SLC22A25: variants seen among roughly 807,000 people sequenced by gnomAD.
SLC22A25 encodes MGI:2442751, MGI:2385316, MGI:3042283, MGI:3645714, MGI:3605624, MGI:2442750.
SLC22A25 carries 44 observed loss-of-function variants against 45.9 expected under a neutral mutation model. The observed-to-expected ratio is 0.96, with a 90% CI of 0.75 to 1.23. The LOEUF is 1.23. SLC22A25 is among the 50% of genes most tolerant of loss of function. The pLI is 0.00. For missense variants in SLC22A25, 800 were observed against 666.4 expected (o/e 1.20, Z -2.21); for synonymous variants, 283 against 238.6 (o/e 1.19, Z -1.72).
chr11:63,172,532 A>G (rs1026248650), intron 9 of SLC22A25, among the ~76,000 whole-genome samples: 2 of 152,224 alleles, frequency 1.3e-5, no homozygotes, highest in Admixed American at 1.3e-4. Flanking sequence ...AAACATATGA[A>G]AAAAAGCTCA....
intron 7 of SLC22A25, among the ~76,000 whole-genome samples, chr11:63,184,883 T>C (rs968977536): frequency 2.6e-5 from 4 of 152,156 alleles, no homozygotes; most frequent in Admixed American, 6.6e-5. Flanking sequence ...TCCTGTCTTA[T>C]GGGTTATTGG....
intron 5 of SLC22A25, among the ~76,000 whole-genome samples, chr11:63,223,687 C>T (rs1412675625): frequency 6.6e-6 from 1 of 151,716 alleles, no homozygotes; most frequent in Non-Finnish European, 1.5e-5. Context: ...TTTTCTAGTT[C>T]TTTAAGATGC....
chr11:63,234,002 A>G (rs970037350), intron 3 of SLC22A25, among the ~76,000 whole-genome samples: 4 of 152,338 alleles, frequency 2.6e-5, no homozygotes, highest in South Asian at 2.1e-4. Flanking sequence ...CCTGAGAGAC[A>G]GTTTGTTATA....
chr11:63,173,632 C>T (rs1328722401), intron 9 of SLC22A25, among the ~76,000 whole-genome samples: 2 of 152,138 alleles, frequency 1.3e-5, no homozygotes, highest in African/African-American at 4.8e-5. Flanking sequence ...GTGACTTTCC[C>T]AGTGCTTCTT....
chr11:63,217,249 C>A, intron 7 of SLC22A25, 65 bp downstream of exon 7: 1 of 1,538,584 alleles, frequency 6.5e-7, no homozygotes, highest in Non-Finnish European at 8.8e-7. Context: ...GAATTCATGT[C>A]CTCATTCCAT....
chr11:63,172,471 G>T (rs866720597), intron 9 of SLC22A25, among the ~76,000 whole-genome samples: 3 of 152,038 alleles, frequency 2.0e-5, no homozygotes, highest in East Asian at 1.9e-4. Context: ...CAAAAAGTGG[G>T]CAAATGATGT....
At chr11:63,237,009 C>A (rs751403222) in intron 3 of SLC22A25, among the ~76,000 whole-genome samples, 2 of 152,290 alleles carry the variant, frequency 1.3e-5, no homozygotes, top group Admixed American at 6.5e-5. Flanking sequence ...TCATAGGTAA[C>A]TTCTATGGTT....
chr11:63,201,895 C>T (rs1055726463), intron 7 of SLC22A25, among the ~76,000 whole-genome samples: 7 of 152,118 alleles, frequency 4.6e-5, no homozygotes, highest in South Asian at 4.1e-4. Flanking sequence ...CAGCCCCCAG[C>T]GAGATCAATG....
At position 63,229,291 on chromosome 11, in the gene SLC22A25, A is replaced by C. The variant is rs1258810647; in HGVS notation, c.362T>G (p.Val121Gly). 3 of 1,583,816 alleles carry C rather than the reference A, an allele frequency of 1.9e-6. No homozygotes were observed. The part of the protein sequence containing the change: ...PDTEPCVDGW[V>G]YDQSSFPSTI... ...GGAAGGGAAGGAGCTTTGGTCATAT[A>C]CCCAGCCATCCACACAGGGCTCTGT... Residue 121 changes from valine (V) to glycine (G), a missense_variant, in exon 4 of 12, where the codon GTA becomes GGA. Coordinates refer to ENST00000306494, the MANE Select transcript of SLC22A25 (RefSeq NM_199352.6).
chr11:63,217,807 C>T (rs927285236), intron 5 of SLC22A25, 72 bp from the exon 6 acceptor site: 5 of 1,504,960 alleles, frequency 3.3e-6, no homozygotes, highest in Admixed American at 2.2e-5. Flanking sequence ...AGGGAAAGCA[C>T]ACTTTGAAAC....
intron 7 of SLC22A25, among the ~76,000 whole-genome samples, chr11:63,212,921 G>A (rs182505327): frequency 4.2e-4 from 64 of 152,246 alleles, no homozygotes; most frequent in Admixed American, 1.3e-3. Flanking sequence ...GTTATTCACT[G>A]TCCCCATGAG....
chr11:63,164,691 T>C, intron 10 of SLC22A25, 57 bp from the exon 11 acceptor site: 1 of 1,385,048 alleles, frequency 7.2e-7, no homozygotes, highest in Non-Finnish European at 1.0e-6. Flanking sequence ...AATCAGCATC[T>C]CCCAAGGTAG....
intron 7 of SLC22A25, among the ~76,000 whole-genome samples, chr11:63,210,617 G>T (rs1311622997): frequency 6.6e-6 from 1 of 152,146 alleles, no homozygotes; most frequent in South Asian, 2.1e-4. Flanking sequence ...AGAATTTTGA[G>T]GACTGAGACA....
At chr11:63,232,941 G>C (rs1012220817) in intron 3 of SLC22A25, among the ~76,000 whole-genome samples, 1 of 152,106 alleles carries the variant, frequency 6.6e-6, no homozygotes, top group Admixed American at 6.6e-5. Context: ...TACTTTTATT[G>C]ATTTGCATAT....
At chr11:63,230,193 T>C (rs574299889) in intron 3 of SLC22A25, among the ~76,000 whole-genome samples, 97 bp from the exon 4 acceptor site, 3 of 152,308 alleles carry the variant, frequency 2.0e-5, no homozygotes, top group East Asian at 1.9e-4. Flanking sequence ...AAATGAGTAA[T>C]ATGGTGCAAA....
chr11:63,164,482 C>T, intron 11 of SLC22A25, 44 bp downstream of exon 11: 1 of 1,521,128 alleles, frequency 6.6e-7, no homozygotes, highest in Non-Finnish European at 9.1e-7. Flanking sequence ...TTGGTTGAGA[C>T]AGGTCCATTT....
At chr11:63,225,043 G>A (rs533486164) in intron 5 of SLC22A25, among the ~76,000 whole-genome samples, 3 of 152,294 alleles carry the variant, frequency 2.0e-5, no homozygotes, top group South Asian at 2.1e-4. Flanking sequence ...AGCTTGCAGT[G>A]AGCCGAGATT....
intron 7 of SLC22A25, among the ~76,000 whole-genome samples, chr11:63,216,886 T>C (rs1293295186): frequency 6.6e-6 from 1 of 152,096 alleles, no homozygotes; most frequent in Non-Finnish European, 1.5e-5. Flanking sequence ...GCAGCAATGA[T>C]TTTTTTAGTA....
intron 5 of SLC22A25, chr11:63,219,841 G>C: frequency 9.4e-7 from 1 of 1,063,542 alleles, no homozygotes; most frequent in Admixed American, 2.3e-5. Context: ...AGAGAGCTGG[G>C]TTACTGGACT....
Sources: gnomAD v4.1 joint callset for allele counts (sites outside exome capture counted in the v4.1 genomes callset) on GRCh38, gnomAD v4.1.1 for gene constraint, MANE v1.5 for transcripts, NCBI Gene and HGNC (gene_info 2026-07-23, HGNC 2026-07-21) for gene names.